ACOT7: variants seen among roughly 807,000 people sequenced by gnomAD.
ACOT7 encodes cytosolic acyl coenzyme A thioester hydrolase.
In ACOT7, 12 loss-of-function variants were observed where a neutral mutation model predicts 40.2. The observed-to-expected ratio is 0.30, with a 90% CI of 0.19 to 0.48. ACOT7 has a LOEUF of 0.48. Ranked by LOEUF, ACOT7 falls within the 20% of genes least tolerant of loss-of-function variation. The pLI is 0.99. For missense variants in ACOT7, 395 were observed against 530.8 expected, an observed-to-expected ratio of 0.74 and a Z score of 2.51; for synonymous variants, 228 against 219.5, an observed-to-expected ratio of 1.04 and a Z score of -0.34.
intron 4 of ACOT7, among the ~76,000 whole-genome samples, chr1:6,329,953 G>A (rs1239847899): frequency 1.3e-5 from 2 of 152,136 alleles, no homozygotes; most frequent in Non-Finnish European, 1.5e-5. Flanking sequence ...AGGCAGGCTG[G>A]GGAGGAAGGT....
chr1:6,305,089 C>A (rs1389121962), intron 6 of ACOT7, among the ~76,000 whole-genome samples: 1 of 145,486 alleles, frequency 6.9e-6, no homozygotes, highest in Non-Finnish European at 1.5e-5. Context: ...CCCCCACATC[C>A]CTCCCGGATG....
In ACOT7 at chr1:6,359,107, T is replaced by G; in HGVS notation, c.144-9241A>C. 7.7e-5 allele frequency: 28 copies of G among 363,596 alleles called. No individual in the cohort carries two copies. Among genetic ancestry groups the G allele is most frequent in the East Asian group, 1.2e-4 (2 of 16,788 alleles). The allele number at this position is 363,596 out of a possible 1,614,324, so 22.5% of individuals were successfully genotyped here. ...ACAGAAGAAGTAATTCTGTGAGCTC[T>G]TCTGGCTGCCATGCCAGGAGATCAG... On this transcript the variant is annotated intron_variant, in intron 1 of 8. Transcript: ENST00000361521. The surrounding 1 kb of genome is among the most constrained non-coding windows in gnomAD (Gnocchi z 4.1).
chr1:6,345,224 C>T (rs772546677), intron 2 of ACOT7, among the ~76,000 whole-genome samples: 2 of 152,232 alleles, frequency 1.3e-5, no homozygotes. Flanking sequence ...AGCACCTGCC[C>T]GGAAGTGCCC....
In ACOT7 at chr1:6,306,381, G is replaced by A; in HGVS notation, c.713-11401C>T. On this transcript the variant is annotated intron_variant, in intron 6 of 8. Coordinates refer to ENST00000361521, the MANE Select transcript of ACOT7 (RefSeq NM_007274.4). The surrounding 1 kb of genome is among the most constrained non-coding windows in gnomAD (Gnocchi z 4.3). The stretch of plus-strand genomic sequence containing the variant: ...GGACCCAGTGTGGGCAGGACAAAGT[G>A]AGTTCCTGGGACAGGTGCCTATAGG... 1.0e-6 allele frequency: 1 copy of A among 985,378 alleles called. No homozygotes were observed. 61.0% of individuals were successfully genotyped at this position (985,378 alleles called of 1,614,324 possible). A position where few individuals can be genotyped will look rare whatever the true frequency, so the allele number is the denominator to read the frequency against.
At chr1:6,351,312 G>A (rs917422706) in intron 1 of ACOT7, among the ~76,000 whole-genome samples, 34 of 152,236 alleles carry the variant, frequency 2.2e-4, no homozygotes, top group African/African-American at 7.0e-4. Context: ...TGGAGCGGCC[G>A]GCACGGCGTG....
chr1:6,273,015 T>C (rs1372982896), intron 8 of ACOT7, among the ~76,000 whole-genome samples: 2 of 152,248 alleles, frequency 1.3e-5, no homozygotes, highest in African/African-American at 4.8e-5. Context: ...CCCCCAGGCC[T>C]GGCTCTGAGC....
chr1:6,299,586 G>C lies in ACOT7; in HGVS notation c.713-4606C>G, dbSNP rs979654766. Among the ~76,000 whole-genome samples the C allele has an allele frequency of 3.9e-5, 6 of 152,072 alleles. No homozygotes were observed. Among genetic ancestry groups the C allele is most frequent in the Non-Finnish European group, 5.9e-5 (4 of 68,022 alleles). On this transcript the variant is annotated intron_variant, in intron 6 of 8. Transcript: ENST00000361521. The surrounding 1 kb of genome is among the most constrained non-coding windows in gnomAD (Gnocchi z 4.1). ...CTCCCCTTACCGGACGCCACACACA[G>C]AGGGCAGAGAGGCCCACCCGGCCAC...
intron 6 of ACOT7, among the ~76,000 whole-genome samples, chr1:6,308,835 A>AAAAGTG (rs1328749706): frequency 6.6e-6 from 1 of 152,138 alleles, no homozygotes; most frequent in Non-Finnish European, 1.5e-5. Flanking sequence ...GGGCGGAGGG[A>AAAAGTG]ACAGCGACCG....
At chr1:6,286,081 T>C (rs1639495291) in intron 7 of ACOT7, among the ~76,000 whole-genome samples, 2 of 152,230 alleles carry the variant, frequency 1.3e-5, no homozygotes, top group African/African-American at 2.4e-5. Context: ...CGGAGGGCTC[T>C]GTGGGGTCAA....
rs181755818 is a variant in ACOT7, at chr1:6,274,057, G to A, written c.1014+7045C>T. ...TCTGCTCCTGAGGCTTCTTCGAGAG[G>A]AACGGGGCCCATGCGAGGACCCCAG... On this transcript the variant is annotated intron_variant, in intron 8 of 8. Coordinates refer to ENST00000361521, the MANE Select transcript of ACOT7 (RefSeq NM_007274.4). The surrounding 1 kb of genome is among the most constrained non-coding windows in gnomAD (Gnocchi z 5.9). Among the ~76,000 whole-genome samples, 387 of 152,340 alleles carry A rather than the reference G, an allele frequency of 2.5e-3. 2 individuals carry two copies. The highest frequency in any genetic ancestry group is 4.9e-3 in the Non-Finnish European group (334 of 68,026).
chr1:6,369,046 A>G (rs903251155), intron 1 of ACOT7, among the ~76,000 whole-genome samples: 1 of 152,090 alleles, frequency 6.6e-6, no homozygotes, highest in South Asian at 2.1e-4. Context: ...CAATGGCACA[A>G]TCTTGGCTCA....
Position 6,282,160 on chromosome 1 carries a change from G to GCC in ACOT7, c.830-876_830-875dup, listed in dbSNP as rs1208985509. On this transcript the variant is annotated intron_variant, in intron 7 of 8. Transcript: ENST00000361521. The surrounding 1 kb of genome is among the most constrained non-coding windows in gnomAD (Gnocchi z 4.5). ...CTTCCTGACCCAGAGCTGCTCTTCT[G>GCC]CCCCCACCACCCTCCCCGGCCTGGG... Among the ~76,000 whole-genome samples the GCC allele has an allele frequency of 6.6e-6, 1 of 152,012 alleles. No homozygotes were observed. Among genetic ancestry groups the GCC allele is most frequent in the African/African-American group, 2.4e-5 (1 of 41,386 alleles).
At chr1:6,307,288 G>A (rs1278054478) in intron 6 of ACOT7, among the ~76,000 whole-genome samples, 1 of 152,240 alleles carries the variant, frequency 6.6e-6, no homozygotes, top group Non-Finnish European at 1.5e-5. Flanking sequence ...CCTCTGGGTG[G>A]GGCTGACTGC....
Position 6,282,759 on chromosome 1 carries a change from A to T in ACOT7, c.830-1473T>A. ...TCGTGCCAGTGCTGGGAGAGGAGGA[A>T]GGAGCTGTGTGGTCAGCGCCAGCAG... is the stretch of plus-strand genomic sequence containing the variant. On this transcript the variant is annotated intron_variant, in intron 7 of 8. Transcript: ENST00000361521. The surrounding 1 kb of genome is among the most constrained non-coding windows in gnomAD (Gnocchi z 4.5). 1 of 1,304,284 alleles carries T rather than the reference A, an allele frequency of 7.7e-7. No individual in the cohort carries two copies. The highest frequency in any genetic ancestry group is 1.0e-6 in the Non-Finnish European group (1 of 988,966). 80.8% of individuals were successfully genotyped at this position (1,304,284 alleles called of 1,614,324 possible). A position where few individuals can be genotyped will look rare whatever the true frequency, so the allele number is the denominator to read the frequency against.
intron 2 of ACOT7, among the ~76,000 whole-genome samples, chr1:6,348,941 T>C (rs1228548937): frequency 6.6e-6 from 1 of 152,174 alleles, no homozygotes; most frequent in Non-Finnish European, 1.5e-5. Context: ...CTCTCCAAGC[T>C]GGGGCTGAGT....
At chr1:6,318,834 AGGCCCTGCCC>A (rs1165350266) in intron 5 of ACOT7, among the ~76,000 whole-genome samples, 6 of 152,182 alleles carry the variant, frequency 3.9e-5, no homozygotes, top group African/African-American at 1.4e-4. Flanking sequence ...GTGCCCTGCA[AGGCCCTGCCC>A]AGGGGTAGCC....
chr1:6,327,612 G>C (rs1300776639), intron 4 of ACOT7, among the ~76,000 whole-genome samples, 199 bp from the exon 5 acceptor site: 1 of 152,124 alleles, frequency 6.6e-6, no homozygotes, highest in Non-Finnish European at 1.5e-5. Flanking sequence ...AGACAACCTG[G>C]GTCAAGTGTT....
intron 8 of ACOT7, among the ~76,000 whole-genome samples, chr1:6,265,515 C>T (rs1248877164): frequency 6.6e-6 from 1 of 152,232 alleles, no homozygotes; most frequent in Non-Finnish European, 1.5e-5. Context: ...GCAGAGCCAA[C>T]TGAACAGGTG....
intron 4 of ACOT7, among the ~76,000 whole-genome samples, chr1:6,332,501 A>G (rs2148437102): frequency 1.3e-5 from 2 of 152,348 alleles, no homozygotes; most frequent in Non-Finnish European, 2.9e-5. Flanking sequence ...CCCCTCTGAC[A>G]ACATAATGAA....
Sources: allele counts gnomAD v4.1 joint callset (sites outside exome capture counted in the v4.1 genomes callset), GRCh38; gene constraint gnomAD v4.1.1; non-coding constraint Gnocchi (gnomAD v3.1); transcripts MANE v1.5; gene names NCBI Gene and HGNC (gene_info 2026-07-23, HGNC 2026-07-21).